The following ATXN7L1 variants were observed in gnomAD, a reference collection of about 807,000 sequenced individuals.
ATXN7L1 encodes the protein ataxin 7 like 1.
A neutral mutation model predicts 70.8 loss-of-function variants in ATXN7L1; 15 were observed. That is an observed-to-expected ratio of 0.21 (90% CI 0.14 to 0.33). The LOEUF (loss-of-function observed/expected upper bound fraction) is 0.33, where lower values mean the gene tolerates loss of function less well. Ranked by LOEUF, ATXN7L1 falls within the 10% of genes least tolerant of loss-of-function variation. The pLI is 1.00. For missense variants in ATXN7L1, 975 were observed against 1,097.1 expected, an observed-to-expected ratio of 0.89 and a Z score of 1.57; for synonymous variants, 440 against 445.1, an observed-to-expected ratio of 0.99 and a Z score of 0.14.
At chr7:105,716,645 C>T (rs1563031797) in intron 3 of ATXN7L1, among the ~76,000 whole-genome samples, 2 of 149,006 alleles carry the variant, frequency 1.3e-5, no homozygotes, top group Non-Finnish European at 3.0e-5. Context: ...GCCTGGGCAA[C>T]ATGGCGAAAA....
intron 3 of ATXN7L1, among the ~76,000 whole-genome samples, chr7:105,687,235 GGAGGTTCCTGCAATGTTCTGATGCT>G (rs1170098602): frequency 6.6e-6 from 1 of 152,216 alleles, no homozygotes; most frequent in African/African-American, 2.4e-5. Context: ...TGTACCCCAT[GGAGGTTCCTGCAATGTTCTGATGCT>G]GAGGCAGGAC....
At position 105,692,654 on chromosome 7, in the gene ATXN7L1, C is replaced by T. The variant is rs189264295; in HGVS notation, c.356-27366G>A. Among the ~76,000 whole-genome samples the T allele has an allele frequency of 9.4e-4, 143 of 152,136 alleles. 1 individual carries two copies. In the Middle Eastern group the frequency reaches 0.01, roughly 11 times the overall value. On this transcript the variant is annotated intron_variant, in intron 3 of 11. Coordinates refer to ENST00000419735, the MANE Select transcript of ATXN7L1 (RefSeq NM_020725.2). ...TAGAGATGGAGTTTTGCCATGTTGG[C>T]CAGGCTGGTCTCGAACTCCTGACCT... is the stretch of plus-strand genomic sequence containing the variant.
chr7:105,811,277 G>A (rs145521015), intron 2 of ATXN7L1, among the ~76,000 whole-genome samples: 21 of 152,150 alleles, frequency 1.4e-4, no homozygotes, highest in Non-Finnish European at 2.1e-4. Flanking sequence ...AGGCAGAGCC[G>A]GGAGTGACAC....
intron 2 of ATXN7L1, among the ~76,000 whole-genome samples, chr7:105,797,070 C>T (rs1452603631): frequency 6.6e-6 from 1 of 152,176 alleles, no homozygotes; most frequent in Non-Finnish European, 1.5e-5. Flanking sequence ...GAAAAGCAAG[C>T]AGCAGCGGTG....
chr7:105,844,638 T>G (rs1330223406), intron 2 of ATXN7L1, among the ~76,000 whole-genome samples: 1 of 152,170 alleles, frequency 6.6e-6, no homozygotes, highest in Non-Finnish European at 1.5e-5. Context: ...TAGTAAGAGA[T>G]TTAATGCTTT....
intron 3 of ATXN7L1, among the ~76,000 whole-genome samples, chr7:105,705,858 C>A (rs1188681095): frequency 6.6e-6 from 1 of 152,246 alleles, no homozygotes; most frequent in East Asian, 1.9e-4. Context: ...TCTCTCTGCT[C>A]TCTGGACCCA....
rs1792747897 is a variant in ATXN7L1, at chr7:105,605,981, C to T, written c.*1871G>A. 6.6e-6 allele frequency: 1 copy of T among 151,824 alleles called. No individual in the cohort carries two copies. The highest frequency in any genetic ancestry group is 1.5e-5 in the Non-Finnish European group (1 of 67,970). The allele number at this position is 151,824 out of a possible 1,614,324, so 9.4% of individuals were successfully genotyped here. ...ATTTACTTTAAGAATATCTTCTAAA[C>T]TTTTTTTCAAAGGGTCTAACCTTGT... On this transcript the variant is annotated 3_prime_UTR_variant, in exon 12 of 12. Transcript: ENST00000419735.
In ATXN7L1 at chr7:105,605,947, A is replaced by T. The variant is rs1792745598; in HGVS notation, c.*1905T>A. The T allele has an allele frequency of 6.6e-6, 1 of 152,214 alleles. No homozygotes were observed. Among genetic ancestry groups the T allele is most frequent in the East Asian group, 1.9e-4 (1 of 5,208 alleles). The allele number at this position is 152,214 out of a possible 1,614,324, so 9.4% of individuals were successfully genotyped here. Reference sequence around the variant, plus strand: ...AAACATAAATTATTACAAAATTAACACTATAAAAATTTACTTTAAGAATAT... The same window carrying T: ...AAACATAAATTATTACAAAATTAACTCTATAAAAATTTACTTTAAGAATAT... On this transcript the variant is annotated 3_prime_UTR_variant, in exon 12 of 12. Coordinates refer to ENST00000419735, the MANE Select transcript of ATXN7L1 (RefSeq NM_020725.2).
chr7:105,769,704 T>C (rs1425211111), intron 3 of ATXN7L1, among the ~76,000 whole-genome samples: 1 of 152,162 alleles, frequency 6.6e-6, no homozygotes, highest in Non-Finnish European at 1.5e-5. Context: ...ATACAGTATC[T>C]GAAGAGAAGA....
chr7:105,645,738 A>C (rs1346034931), intron 4 of ATXN7L1, among the ~76,000 whole-genome samples: 2 of 151,802 alleles, frequency 1.3e-5, no homozygotes, highest in Non-Finnish European at 2.9e-5. Flanking sequence ...GCGTGAACCC[A>C]GGAGGCAGAG....
At chr7:105,784,416 C>T (rs1016541785) in intron 3 of ATXN7L1, among the ~76,000 whole-genome samples, 3 of 150,744 alleles carry the variant, frequency 2.0e-5, no homozygotes, top group African/African-American at 7.4e-5. Flanking sequence ...TTTCTGAAGT[C>T]CCCATAACTG....
chr7:105,863,641 T>TTGGG (rs1816963980), intron 2 of ATXN7L1, among the ~76,000 whole-genome samples: 1 of 152,170 alleles, frequency 6.6e-6, no homozygotes, highest in South Asian at 2.1e-4. Context: ...TCAGCCTGCC[T>TTGGG]TGGGGTTCAG....
chr7:105,796,967 TTC>T (rs1217051027), intron 2 of ATXN7L1, among the ~76,000 whole-genome samples: 2 of 152,274 alleles, frequency 1.3e-5, no homozygotes, highest in African/African-American at 4.8e-5. Context: ...TGTGATCACT[TTC>T]TGTTTCTCAG....
chr7:105,733,589 T>TCCATCCACCCATCCAC (rs1563048830), intron 3 of ATXN7L1, among the ~76,000 whole-genome samples: 1 of 108,284 alleles, frequency 9.2e-6, no homozygotes, highest in African/African-American at 3.9e-5. Context: ...CACCCATCCA[T>TCCATCCACCCATCCAC]CCATCCATCC....
chr7:105,642,699 C>G (rs1314567983), intron 5 of ATXN7L1, 139 bp downstream of exon 5: 1 of 1,096,100 alleles, frequency 9.1e-7, no homozygotes, highest in Non-Finnish European at 1.3e-6. Context: ...AGGTGGGGTT[C>G]CTGTTTGCAG....
intron 3 of ATXN7L1, among the ~76,000 whole-genome samples, chr7:105,712,429 C>T (rs373111867): frequency 2.0e-5 from 3 of 152,234 alleles, no homozygotes; most frequent in Admixed American, 1.3e-4. Flanking sequence ...AACTTTTATG[C>T]TCTGCTTCCC....
intron 3 of ATXN7L1, among the ~76,000 whole-genome samples, chr7:105,698,165 G>A (rs112170970): frequency 3.0e-4 from 45 of 152,194 alleles, no homozygotes; most frequent in African/African-American, 1.0e-3. Flanking sequence ...CTTCCCAGTC[G>A]TGTCCGCACT....
intron 3 of ATXN7L1, among the ~76,000 whole-genome samples, chr7:105,763,727 C>T (rs1162455083): frequency 6.6e-6 from 1 of 152,194 alleles, no homozygotes; most frequent in Non-Finnish European, 1.5e-5. Flanking sequence ...GCAAGGTGGG[C>T]CGCTATACTT....
chr7:105,690,211 G>A (rs35832644), intron 3 of ATXN7L1, among the ~76,000 whole-genome samples: 9,965 of 151,922 alleles, frequency 0.066, 345 homozygotes, highest in South Asian at 0.083. Flanking sequence ...CTCCATGTTG[G>A]TCAGGCTGGT....
Sources: allele counts gnomAD v4.1 joint callset (sites outside exome capture counted in the v4.1 genomes callset), GRCh38; gene constraint gnomAD v4.1.1; transcripts MANE v1.5; gene names NCBI Gene and HGNC (gene_info 2026-07-23, HGNC 2026-07-21).